The following COL18A1 variants were observed in gnomAD, a reference collection of about 807,000 sequenced individuals.
The protein encoded by COL18A1 is collagen alpha-1(XVIII) chain.
In COL18A1, 133 loss-of-function variants were observed where a neutral mutation model predicts 168.0. The observed-to-expected ratio is 0.79, with a 90% CI of 0.69 to 0.91. The LOEUF (loss-of-function observed/expected upper bound fraction) is 0.91, where lower values mean the gene tolerates loss of function less well. Among genes scored for constraint, COL18A1 ranks in the 40% least tolerant of loss-of-function variants. The pLI, the probability that COL18A1 is intolerant of heterozygous loss-of-function variation, is 0.00. For missense variants in COL18A1, 2,126 were observed against 1,925.4 expected (o/e 1.10, Z -1.95); for synonymous variants, 949 against 809.0 (o/e 1.17, Z -2.94).
intron 2 of COL18A1, among the ~76,000 whole-genome samples, chr21:45,447,820 C>T (rs149704046): frequency 1.2e-3 from 186 of 152,154 alleles, no homozygotes; most frequent in African/African-American, 4.0e-3. Context: ...TCTTTTGGTT[C>T]GCCCTCAGTG....
At chr21:45,421,923 C>G (rs1214997311) in intron 2 of COL18A1, among the ~76,000 whole-genome samples, 1 of 152,148 alleles carries the variant, frequency 6.6e-6, no homozygotes, top group African/African-American at 2.4e-5. Flanking sequence ...TCTCAGCTTG[C>G]AACCCTCCAT....
chr21:45,476,341 C>G lies in COL18A1; in HGVS notation c.799-10C>G. The G allele has an allele frequency of 6.2e-7, 1 of 1,613,900 alleles. No homozygotes were observed. Among genetic ancestry groups the G allele is most frequent in the Non-Finnish European group, 8.5e-7 (1 of 1,179,932 alleles). On this transcript the variant is annotated splice_polypyrimidine_tract_variant and intron_variant, in intron 5 of 41. Transcript: ENST00000651438. ...CCGAATAACAGGCCACCTCCCCTCTCGTCCTCCAGGGCGCGGCCCTAAAAC... is the reference window on the plus strand; with the variant it reads ...CCGAATAACAGGCCACCTCCCCTCTGGTCCTCCAGGGCGCGGCCCTAAAAC...
chr21:45,461,529 G>A (rs560264144), intron 2 of COL18A1, among the ~76,000 whole-genome samples: 19 of 152,210 alleles, frequency 1.2e-4, no homozygotes, highest in African/African-American at 4.6e-4. Context: ...CCCCTGCAGG[G>A]CTCTTCCTTG....
intron 19 of COL18A1, among the ~76,000 whole-genome samples, chr21:45,489,786 C>T (rs1456588166): frequency 1.3e-5 from 2 of 150,722 alleles, no homozygotes; most frequent in South Asian, 4.2e-4. Flanking sequence ...CAGGCCCCGT[C>T]GGCCCCTGCC....
At chr21:45,494,820 C>T in intron 27 of COL18A1, 42 bp from the exon 28 acceptor site, 2 of 1,569,408 alleles carry the variant, frequency 1.3e-6, no homozygotes, top group African/African-American at 2.7e-5. Flanking sequence ...TGGTCAAGGG[C>T]CAGGGTCTGC....
chr21:45,414,133 C>T (rs1314932054), intron 2 of COL18A1, among the ~76,000 whole-genome samples: 1 of 152,074 alleles, frequency 6.6e-6, no homozygotes, highest in Non-Finnish European at 1.5e-5. Context: ...CCCTCCTGCC[C>T]AGCCTTGTGG....
In COL18A1 at chr21:45,498,587, A is replaced by T. The variant is rs768321637; in HGVS notation, c.2683+926A>T. The T allele has an allele frequency of 1.4e-6, 1 of 716,098 alleles. No individual in the cohort carries two copies. The highest frequency in any genetic ancestry group is 1.5e-5 in the South Asian group (1 of 67,566). The allele number at this position is 716,098 out of a possible 1,614,324, so 44.4% of individuals were successfully genotyped here. A position where few individuals can be genotyped will look rare whatever the true frequency, so the allele number is the denominator to read the frequency against. On this transcript the variant is annotated intron_variant, in intron 32 of 41. Coordinates refer to ENST00000651438, the MANE Select transcript of COL18A1 (RefSeq NM_001379500.1). The surrounding 1 kb of genome is among the most constrained non-coding windows in gnomAD (Gnocchi z 4.5). ...GAAGGGACCAGGCAGGCAGAGGCCG[A>T]GTCTGGGCCGGGACATCCTTAAGGC...
At position 45,509,516 on chromosome 21, in the gene COL18A1, C is replaced by A. The variant is rs756361479; in HGVS notation, c.3410C>A (p.Ala1137Asp). ...RLPEPQPYPG[A>D]PHHSSYVHLR... ...CCCGAGCCCCAGCCCTACCCCGGAG[C>A]CCCGCACCACAGCTCCTACGTGCAC... Residue 1137 changes from alanine to aspartate, a missense_variant, in exon 39 of 42, where the codon GCC becomes GAC. Transcript: ENST00000651438. 32 of 1,532,398 alleles carry A rather than the reference C, an allele frequency of 2.1e-5. No individual in the cohort carries two copies. The highest frequency in any genetic ancestry group is 2.7e-5 in the Non-Finnish European group (31 of 1,138,248). 94.9% of individuals were successfully genotyped at this position (1,532,398 alleles called of 1,614,324 possible).
At chr21:45,415,941 T>C (rs1223839539) in intron 2 of COL18A1, among the ~76,000 whole-genome samples, 2 of 152,000 alleles carry the variant, frequency 1.3e-5, no homozygotes, top group East Asian at 3.9e-4. Flanking sequence ...CCCCCGCTTA[T>C]CCAGAACACT....
chr21:45,444,373 T>C (rs2034460210), intron 2 of COL18A1, among the ~76,000 whole-genome samples: 1 of 151,858 alleles, frequency 6.6e-6, no homozygotes, highest in Non-Finnish European at 1.5e-5. Flanking sequence ...AGGTGTGGGA[T>C]GTGCAGAGTG....
rs1427629521 is a variant in COL18A1 at position 45,455,616 on chromosome 21, A to G, written c.107-12626A>G. 4 of 1,613,786 alleles carry G rather than the reference A, an allele frequency of 2.5e-6. No individual in the cohort carries two copies. The highest frequency in any genetic ancestry group is 1.7e-5 in the Admixed American group (1 of 59,998). ...GCCCGGGCCAACCTGCTGAACCTGA[A>G]CTGGCTTTGGTTCAATAATGAGGAC... On this transcript the variant is annotated intron_variant, in intron 2 of 41. Coordinates refer to ENST00000651438, the MANE Select transcript of COL18A1 (RefSeq NM_001379500.1).
At chr21:45,416,384 C>G (rs965317578) in intron 2 of COL18A1, among the ~76,000 whole-genome samples, 1 of 151,046 alleles carries the variant, frequency 6.6e-6, no homozygotes, top group Non-Finnish European at 1.5e-5. Context: ...AGTCTCCCCA[C>G]GCCTGGTGTC....
chr21:45,480,691 C>G lies in COL18A1; in HGVS notation c.1453-9C>G. 6.2e-7 allele frequency: 1 copy of G among 1,610,896 alleles called. No individual in the cohort carries two copies. The highest frequency in any genetic ancestry group is 8.5e-7 in the Non-Finnish European group (1 of 1,179,952). On this transcript the variant is annotated splice_polypyrimidine_tract_variant and intron_variant, in intron 12 of 41. Coordinates refer to ENST00000651438, the MANE Select transcript of COL18A1 (RefSeq NM_001379500.1). ...TGGGCTGTGACTATCTGTGTTCGCCCACGTCCAGGGTCCTCGAGGCTTCCC... is the reference window on the plus strand; with the variant it reads ...TGGGCTGTGACTATCTGTGTTCGCCGACGTCCAGGGTCCTCGAGGCTTCCC...
At chr21:45,503,770 A>G (rs1321699151) in intron 32 of COL18A1, among the ~76,000 whole-genome samples, 2 of 152,142 alleles carry the variant, frequency 1.3e-5, no homozygotes, top group East Asian at 1.9e-4. Flanking sequence ...CATGTACCCT[A>G]AAACTTAAAG....
At position 45,477,841 on chromosome 21, in the gene COL18A1, C is replaced by G. The variant is rs569431714; in HGVS notation, c.1097C>G (p.Pro366Arg). The G allele has an allele frequency of 1.3e-6, 2 of 1,553,096 alleles. No individual in the cohort carries two copies. Among genetic ancestry groups the G allele is most frequent in the Admixed American group, 2.0e-5 (1 of 51,272 alleles). The part of the protein sequence containing the change: ...PPGSPCLPGP[P>R]GLPCPVSPLG... ...GGATCCCCATGCCTACCTGGTCCCC[C>G]GGGTCTCCCGTGCCCAGTGAGTCCC... is the stretch of plus-strand genomic sequence containing the variant. Residue 366 changes from proline to arginine, a missense_variant, in exon 8 of 42, where the codon CCG becomes CGG. Coordinates refer to ENST00000651438, the MANE Select transcript of COL18A1 (RefSeq NM_001379500.1).
rs370551769 is a variant in COL18A1, at chr21:45,505,993, G to C, written c.3216+27G>C. The C allele has an allele frequency of 3.2e-5, 51 of 1,612,790 alleles. No individual in the cohort carries two copies. In the African/African-American group the frequency reaches 6.0e-4, roughly 19 times the overall value. On this transcript the variant is annotated intron_variant, in intron 37 of 41. Coordinates refer to ENST00000651438, the MANE Select transcript of COL18A1 (RefSeq NM_001379500.1). The stretch of plus-strand genomic sequence containing the variant: ...TGAGCGCTCTGTGTGACGGGTTCTG[G>C]ACCCGTGGAAGGGCCGAAGCCGCCT...
chr21:45,480,609 G>A (rs1402378914), intron 12 of COL18A1, 89 bp downstream of exon 12: 9 of 1,612,888 alleles, frequency 5.6e-6, no homozygotes, highest in South Asian at 3.3e-5. Context: ...GGGGTCCTGT[G>A]GGGGGTGGGG....
rs1257418189 is a variant in COL18A1, at chr21:45,498,689, TCA to T, written c.2683+1034_2683+1035del. ...CATGCCAGCCTTGGATCTCTCAGCG[TCA>T]CACACGACGCCCAGGAAGGAGTGAA... is the stretch of plus-strand genomic sequence containing the variant. On this transcript the variant is annotated intron_variant, in intron 32 of 41. Transcript: ENST00000651438. This position sits in a 1 kb window ranked among gnomAD's most constrained non-coding sequence, Gnocchi z 4.5. 1 of 657,856 alleles carries T rather than the reference TCA, an allele frequency of 1.5e-6. No homozygotes were observed. Among genetic ancestry groups the T allele is most frequent in the Admixed American group, 2.3e-5 (1 of 43,770 alleles). 40.8% of individuals were successfully genotyped at this position (657,856 alleles called of 1,614,324 possible).
At chr21:45,503,778 A>C (rs1333353702) in intron 32 of COL18A1, among the ~76,000 whole-genome samples, 1 of 152,072 alleles carries the variant, frequency 6.6e-6, no homozygotes, top group South Asian at 2.1e-4. Context: ...CTAAAACTTA[A>C]AGTATAATAA....
Sources: allele counts gnomAD v4.1 joint callset (sites outside exome capture counted in the v4.1 genomes callset), GRCh38; gene constraint gnomAD v4.1.1; non-coding constraint Gnocchi (gnomAD v3.1); transcripts MANE v1.5; gene names NCBI Gene and HGNC (gene_info 2026-07-23, HGNC 2026-07-21).